MARCHF1: variants seen among roughly 807,000 people sequenced by gnomAD.
MARCHF1 encodes membrane associated ring-CH-type finger 1.
MARCHF1 carries 40 observed loss-of-function variants against 54.2 expected under a neutral mutation model. The observed-to-expected ratio is 0.74, with a 90% CI of 0.57 to 0.96. The LOEUF (loss-of-function observed/expected upper bound fraction) is 0.96, where lower values mean the gene tolerates loss of function less well. Ranked by LOEUF, MARCHF1 falls within the 40% of genes least tolerant of loss-of-function variation. The pLI is 0.00. For missense variants in MARCHF1, 586 were observed against 656.5 expected, an observed-to-expected ratio of 0.89 and a Z score of 1.17; for synonymous variants, 236 against 236.3, an observed-to-expected ratio of 1.00 and a Z score of 0.01.
intron 8 of MARCHF1, among the ~76,000 whole-genome samples, chr4:163,565,696 C>T (rs1408007358): frequency 6.6e-6 from 1 of 152,168 alleles, no homozygotes; most frequent in African/African-American, 2.4e-5. Flanking sequence ...CTCTAAAGCA[C>T]TTCACCCCCA....
chr4:163,964,320 C>T (rs1053092788), intron 3 of MARCHF1, among the ~76,000 whole-genome samples: 3 of 151,876 alleles, frequency 2.0e-5, no homozygotes, highest in African/African-American at 7.3e-5. Context: ...TTAGTGATAA[C>T]AATGATGATG....
chr4:163,717,251 G>T (rs1391237992), intron 4 of MARCHF1, among the ~76,000 whole-genome samples: 2 of 148,560 alleles, frequency 1.3e-5, no homozygotes, highest in Admixed American at 6.8e-5. Flanking sequence ...GCGGTGTTTG[G>T]TTTTTTGTCC....
chr4:164,140,291 T>C (rs976017584), intron 1 of MARCHF1, among the ~76,000 whole-genome samples: 2 of 151,550 alleles, frequency 1.3e-5, no homozygotes, highest in South Asian at 2.1e-4. Context: ...ATAGAATTGA[T>C]GTTTATCATT....
chr4:163,995,543 G>A (rs1433744383), intron 2 of MARCHF1, among the ~76,000 whole-genome samples: 1 of 152,024 alleles, frequency 6.6e-6, no homozygotes, highest in African/African-American at 2.4e-5. Flanking sequence ...CTACACAGGG[G>A]CTGCCAGCCA....
chr4:164,145,541 C>G (rs1411216914), intron 1 of MARCHF1, among the ~76,000 whole-genome samples: 2 of 151,978 alleles, frequency 1.3e-5, no homozygotes, highest in Admixed American at 1.3e-4. Flanking sequence ...TAAATGTAAT[C>G]CAGCATATAA....
At chr4:163,687,440 A>G (rs1032564163) in intron 5 of MARCHF1, among the ~76,000 whole-genome samples, 2 of 152,088 alleles carry the variant, frequency 1.3e-5, no homozygotes, top group Non-Finnish European at 2.9e-5. Flanking sequence ...GTTGGCCAGG[A>G]TGGTCCAAAG....
At chr4:163,736,920 T>C (rs1746050346) in intron 4 of MARCHF1, among the ~76,000 whole-genome samples, 1 of 152,108 alleles carries the variant, frequency 6.6e-6, no homozygotes, top group South Asian at 2.1e-4. Context: ...TTTTCTCCCT[T>C]AATACTCCAA....
At chr4:163,599,028 C>T (rs1474343978) in intron 7 of MARCHF1, among the ~76,000 whole-genome samples, 2 of 152,080 alleles carry the variant, frequency 1.3e-5, no homozygotes, top group African/African-American at 2.4e-5. Flanking sequence ...GTGACTCATG[C>T]CTGTAATCCC....
In MARCHF1 at chr4:164,110,748, T is replaced by C. The variant is rs538184642; in HGVS notation, c.-248+840A>G. On this transcript the variant is annotated intron_variant, in intron 2 of 9. Coordinates refer to ENST00000514618, the MANE Select transcript of MARCHF1 (RefSeq NM_001394959.1). ...AAAAGCTGCAAGTGTCAAAATAAAT[T>C]ACCTGTATTACATTCTCTTAACCTA... Among the ~76,000 whole-genome samples the C allele has an allele frequency of 7.9e-5, 12 of 151,116 alleles. No individual in the cohort carries two copies. In the South Asian group the frequency reaches 2.5e-3, roughly 31 times the overall value.
At chr4:163,831,873 T>TAGGG (rs1275429263) in intron 4 of MARCHF1, among the ~76,000 whole-genome samples, 11 of 152,294 alleles carry the variant, frequency 7.2e-5, no homozygotes, top group Admixed American at 3.9e-4. Flanking sequence ...GACTAGTGGA[T>TAGGG]AGGGAGCTTG....
At chr4:164,366,171 C>A (rs969847570) in intron 1 of MARCHF1, among the ~76,000 whole-genome samples, 2 of 151,938 alleles carry the variant, frequency 1.3e-5, no homozygotes. Flanking sequence ...AATCATTAAC[C>A]TTCCAATACA....
At chr4:163,680,789 T>C (rs978606273) in intron 5 of MARCHF1, among the ~76,000 whole-genome samples, 3 of 152,190 alleles carry the variant, frequency 2.0e-5, no homozygotes, top group South Asian at 2.1e-4. Context: ...TGTTACATGA[T>C]GCTTCACTAT....
At chr4:164,029,794 C>T (rs28394237) in intron 2 of MARCHF1, among the ~76,000 whole-genome samples, 9,996 of 152,088 alleles carry the variant, frequency 0.066, 673 homozygotes, top group East Asian at 0.32. Context: ...AGCGTTTCAC[C>T]GTGTTGGCCA....
intron 3 of MARCHF1, among the ~76,000 whole-genome samples, chr4:163,930,624 AAC>A (rs1371533174): frequency 1.3e-5 from 2 of 152,030 alleles, no homozygotes; most frequent in Non-Finnish European, 1.5e-5. Flanking sequence ...ATATTTTGAA[AAC>A]ACAGAGTCTG....
intron 1 of MARCHF1, among the ~76,000 whole-genome samples, chr4:164,335,676 A>AC (rs1446912347): frequency 6.9e-6 from 1 of 144,184 alleles, no homozygotes; most frequent in Non-Finnish European, 1.5e-5. Context: ...TCGAAGCAGG[A>AC]CCCTCCAGCC....
chr4:163,615,625 T>A (rs896672523), intron 5 of MARCHF1, among the ~76,000 whole-genome samples: 1 of 152,084 alleles, frequency 6.6e-6, no homozygotes, highest in Non-Finnish European at 1.5e-5. Context: ...ATGGAAGAAT[T>A]AATATTGTTG....
At position 164,013,803 on chromosome 4, in the gene MARCHF1, G is replaced by T. The variant is rs576295089; in HGVS notation, c.-247-25094C>A. ...AAAGTTATCCTTCAAACACAAACTA[G>T]AAATAAAGACTTTCCTATACAAACA... is the stretch of plus-strand genomic sequence containing the variant. On this transcript the variant is annotated intron_variant, in intron 2 of 9. Transcript: ENST00000514618. Among the ~76,000 whole-genome samples, 8 of 152,208 alleles carry T rather than the reference G, an allele frequency of 5.3e-5. No individual in the cohort carries two copies. In the East Asian group the frequency reaches 1.5e-3, roughly 29 times the overall value.
intron 5 of MARCHF1, among the ~76,000 whole-genome samples, chr4:163,689,922 A>C (rs141154067): frequency 5.0e-4 from 76 of 152,340 alleles, no homozygotes; most frequent in African/African-American, 1.8e-3. Flanking sequence ...TTATATGTCA[A>C]GATTGCCCCT....
At chr4:163,597,065 C>T (rs1306661335) in intron 7 of MARCHF1, among the ~76,000 whole-genome samples, 1 of 152,134 alleles carries the variant, frequency 6.6e-6, no homozygotes, top group Non-Finnish European at 1.5e-5. Flanking sequence ...AAAGGATTCT[C>T]CTGTCTCAGT....
Sources: allele counts gnomAD v4.1 joint callset (sites outside exome capture counted in the v4.1 genomes callset), GRCh38; gene constraint gnomAD v4.1.1; transcripts MANE v1.5; gene names NCBI Gene and HGNC (gene_info 2026-07-23, HGNC 2026-07-21).